SYCP1: variants seen among roughly 807,000 people sequenced by gnomAD.
The protein encoded by SYCP1 is cancer/testis antigen 8.
In SYCP1, 64 loss-of-function variants were observed where a neutral mutation model predicts 153.1. That is an observed-to-expected ratio of 0.42 (90% CI 0.34 to 0.51). The LOEUF (loss-of-function observed/expected upper bound fraction) is 0.51. Ranked by LOEUF, SYCP1 falls within the 20% of genes least tolerant of loss-of-function variation. The pLI, the probability that SYCP1 is intolerant of heterozygous loss-of-function variation, is 0.06. For synonymous variants in SYCP1, 384 were observed against 341.8 expected, an observed-to-expected ratio of 1.12 and a Z score of -1.36; for missense variants, 997 against 1,049.0, an observed-to-expected ratio of 0.95 and a Z score of 0.68.
At chr1:114,925,635 C>G (rs1301719350) in intron 21 of SYCP1, among the ~76,000 whole-genome samples, 2 of 152,054 alleles carry the variant, frequency 1.3e-5, no homozygotes, top group African/African-American at 4.8e-5. Context: ...CCTCATCTCT[C>G]AAATGGAGAT....
At chr1:114,854,310 T>G (rs1377718346), upstream of SYCP1, among the ~76,000 whole-genome samples, 1 of 152,088 alleles carries the variant, frequency 6.6e-6, no homozygotes, top group Non-Finnish European at 1.5e-5. Flanking sequence ...CACCCGGCTA[T>G]TTTAGGAGAG....
intron 30 of SYCP1, among the ~76,000 whole-genome samples, chr1:114,985,907 A>T (rs1271326932): frequency 7.0e-6 from 1 of 142,706 alleles, no homozygotes; most frequent in African/African-American, 2.5e-5. Context: ...CAGGCCAAAA[A>T]ATTTGAAAAA....
intron 16 of SYCP1, among the ~76,000 whole-genome samples, chr1:114,904,139 C>T (rs1286571): frequency 0.024 from 3,421 of 144,252 alleles, 56 homozygotes; most frequent in Non-Finnish European, 0.033. Flanking sequence ...TTTTTTGAGA[C>T]GGAGTCTTGC....
chr1:114,857,157 A>AT, intron 3 of SYCP1, 75 bp from the exon 4 acceptor site: 9 of 880,782 alleles, frequency 1.0e-5, no homozygotes, highest in Non-Finnish European at 1.4e-5. Flanking sequence ...AAAAAAAAAA[A>AT]GAGAAAAAAG....
intron 16 of SYCP1, among the ~76,000 whole-genome samples, chr1:114,906,348 A>G (rs1667806968): frequency 6.6e-6 from 1 of 151,046 alleles, no homozygotes; most frequent in Admixed American, 6.6e-5. Context: ...GATTCTTTCT[A>G]TTGTTTTTCT....
At chr1:114,945,649 C>G (rs1321549259) in intron 25 of SYCP1, among the ~76,000 whole-genome samples, 3 of 152,130 alleles carry the variant, frequency 2.0e-5, no homozygotes, top group Non-Finnish European at 4.4e-5. Flanking sequence ...TTATTGATAA[C>G]TCACATTTTC....
At chr1:114,946,888 C>T (rs1670741303) in intron 26 of SYCP1, among the ~76,000 whole-genome samples, 1 of 152,020 alleles carries the variant, frequency 6.6e-6, no homozygotes, top group Admixed American at 6.6e-5. Context: ...TACAGGTGTG[C>T]ATCACCACAC....
At chr1:114,902,385 C>G (rs183449819) in intron 16 of SYCP1, among the ~76,000 whole-genome samples, 1 of 152,086 alleles carries the variant, frequency 6.6e-6, no homozygotes, top group Non-Finnish European at 1.5e-5. Flanking sequence ...GTCGCAGGAT[C>G]AGGAAAGATT....
chr1:114,885,739 T>C (rs1449801672), intron 13 of SYCP1, 110 bp downstream of exon 13: 1 of 625,540 alleles, frequency 1.6e-6, no homozygotes, highest in Non-Finnish European at 2.7e-6. Flanking sequence ...TTCAAATAGT[T>C]AGAGAAGACA....
intron 12 of SYCP1, among the ~76,000 whole-genome samples, chr1:114,879,311 G>A (rs1231007874): frequency 6.6e-6 from 1 of 152,052 alleles, no homozygotes. Context: ...TCTTCACATG[G>A]CAAATAATTA....
intron 27 of SYCP1, among the ~76,000 whole-genome samples, chr1:114,975,047 T>C (rs1056795485): frequency 1.3e-5 from 2 of 151,864 alleles, no homozygotes; most frequent in African/African-American, 4.8e-5. Context: ...CAATATCTCA[T>C]GTGGCTGTGA....
chr1:114,874,646 C>CT (rs1208004756), intron 9 of SYCP1, 82 bp downstream of exon 9: 4 of 758,036 alleles, frequency 5.3e-6, no homozygotes, highest in Non-Finnish European at 8.5e-6. Flanking sequence ...ATATGGACAA[C>CT]TATTCTTACT....
chr1:114,945,027 A>T, intron 25 of SYCP1, 45 bp downstream of exon 25: 4 of 1,329,198 alleles, frequency 3.0e-6, no homozygotes, highest in Non-Finnish European at 4.1e-6. Flanking sequence ...AATTGGAGCC[A>T]TATTTCTGTT....
intron 27 of SYCP1, among the ~76,000 whole-genome samples, chr1:114,959,281 G>A (rs1570864940): frequency 6.6e-6 from 1 of 152,132 alleles, no homozygotes; most frequent in East Asian, 1.9e-4. Flanking sequence ...ATTTTCAGAT[G>A]TGAAACCAAC....
At chr1:114,954,021 T>G (rs972721046) in intron 27 of SYCP1, among the ~76,000 whole-genome samples, 4 of 152,084 alleles carry the variant, frequency 2.6e-5, no homozygotes, top group Non-Finnish European at 5.9e-5. Flanking sequence ...TATATCTATT[T>G]CATTTCCTTT....
intron 30 of SYCP1, among the ~76,000 whole-genome samples, chr1:114,993,111 GGA>G (rs1674036391): frequency 6.6e-6 from 1 of 151,412 alleles, no homozygotes; most frequent in Admixed American, 6.6e-5. Context: ...ATTTTTATAT[GGA>G]GACTCATGAT....
chr1:114,951,292 A>T (rs1218924340), intron 27 of SYCP1, among the ~76,000 whole-genome samples: 2 of 152,200 alleles, frequency 1.3e-5, no homozygotes, highest in Non-Finnish European at 2.9e-5. Context: ...AAACAAAAAG[A>T]ACCATAGTCA....
rs186748675 is a variant in SYCP1, at chr1:114,939,551, T to C, written c.1927-4788T>C. On this transcript the variant is annotated intron_variant, in intron 23 of 31. Transcript: ENST00000369522. The stretch of plus-strand genomic sequence containing the variant: ...ACCTATATACAAGAGAGTATGTTTG[T>C]CATGATTTCATTTAAATGAAGTTTT... 1.0e-3 allele frequency among the ~76,000 whole-genome samples: 158 copies of C among 152,290 alleles called. 2 individuals carry two copies. Among genetic ancestry groups the C allele is most frequent in the African/African-American group, 3.7e-3 (153 of 41,576 alleles).
intron 7 of SYCP1, 115 bp downstream of exon 7, chr1:114,859,925 A>G (rs1664263011): frequency 3.0e-6 from 1 of 333,362 alleles, no homozygotes; most frequent in Non-Finnish European, 4.9e-6. Context: ...ATATGAATTT[A>G]TAAGTAGAAT....
Sources: allele counts gnomAD v4.1 joint callset (sites outside exome capture counted in the v4.1 genomes callset), GRCh38; gene constraint gnomAD v4.1.1; transcripts MANE v1.5; gene names NCBI Gene and HGNC (gene_info 2026-07-23, HGNC 2026-07-21).